The following PTPRE variants were observed in gnomAD, a reference collection of about 807,000 sequenced individuals.
PTPRE encodes the protein receptor-type tyrosine-protein phosphatase epsilon.
A neutral mutation model predicts 102.0 loss-of-function variants in PTPRE; 51 were observed. The observed-to-expected ratio is 0.50, with a 90% CI of 0.40 to 0.63. The LOEUF is 0.63. Among genes scored for constraint, PTPRE ranks in the 30% least tolerant of loss-of-function variants. PTPRE has a pLI of 0.00. For synonymous variants in PTPRE, 345 were observed against 348.2 expected, an observed-to-expected ratio of 0.99 and a Z score of 0.10; for missense variants, 752 against 915.1, an observed-to-expected ratio of 0.82 and a Z score of 2.30.
intron 2 of PTPRE, among the ~76,000 whole-genome samples, chr10:127,984,437 A>G (rs1046796643): frequency 2.0e-5 from 3 of 152,120 alleles, no homozygotes; most frequent in South Asian, 4.1e-4. Context: ...CTGAGTTCCT[A>G]GATTAAGGGT....
At chr10:127,965,495 G>A (rs1429145256) in intron 1 of PTPRE, among the ~76,000 whole-genome samples, 5 of 152,142 alleles carry the variant, frequency 3.3e-5, no homozygotes, top group East Asian at 3.8e-4. Context: ...GTCAGGGTTC[G>A]TCCCTAAGCA....
intron 1 of PTPRE, among the ~76,000 whole-genome samples, chr10:127,922,680 G>A (rs972153054): frequency 1.3e-5 from 2 of 152,190 alleles, no homozygotes; most frequent in African/African-American, 2.4e-5. Context: ...CACTGAACCC[G>A]TAAGAGATGT....
chr10:128,006,656 C>T (rs1854579460), intron 2 of PTPRE, among the ~76,000 whole-genome samples: 1 of 152,132 alleles, frequency 6.6e-6, no homozygotes, highest in African/African-American at 2.4e-5. Context: ...TCTTTGTTTG[C>T]CTGACTCTGC....
rs1047110660 is a variant in PTPRE, at chr10:127,969,311, C to T, written c.-30-12963C>T. On this transcript the variant is annotated intron_variant, in intron 1 of 20. Transcript: ENST00000254667. Reference sequence around the variant, plus strand: ...CTCCATACAGTGCTGTTGCTGGGCTCGGGACGTGGAGAGGGCAGGGGCCGT... The same window carrying T: ...CTCCATACAGTGCTGTTGCTGGGCTTGGGACGTGGAGAGGGCAGGGGCCGT... Among the ~76,000 whole-genome samples, 7 of 152,136 alleles carry T rather than the reference C, an allele frequency of 4.6e-5. No individual in the cohort carries two copies. The East Asian group carries it at 5.8e-4, about 13-fold the overall frequency.
chr10:128,060,435 C>A lies in PTPRE; in HGVS notation c.512-504C>A, dbSNP rs545486775. On this transcript the variant is annotated intron_variant, in intron 7 of 20. Coordinates refer to ENST00000254667, the MANE Select transcript of PTPRE (RefSeq NM_006504.6). ...CGGTGGTGGGACTGAGGGTCAGAGT[C>A]CCCAATCCTAGACCCCCACATCCAC... Among the ~76,000 whole-genome samples, 4 of 152,296 alleles carry A rather than the reference C, an allele frequency of 2.6e-5. No individual in the cohort carries two copies. The South Asian group carries it at 8.3e-4, about 32-fold the overall frequency.
chr10:127,960,827 T>G (rs181077892), intron 1 of PTPRE, among the ~76,000 whole-genome samples: 11 of 152,092 alleles, frequency 7.2e-5, no homozygotes, highest in Admixed American at 6.6e-4. Flanking sequence ...ATCAAGACCA[T>G]CCTAACATGG....
intron 2 of PTPRE, chr10:127,987,228 G>A: frequency 1.2e-6 from 1 of 822,492 alleles, no homozygotes; most frequent in South Asian, 2.9e-5. Context: ...TCCCCTAAGA[G>A]GAAATAGGAA....
chr10:127,960,942 A>G (rs150446842), intron 1 of PTPRE, among the ~76,000 whole-genome samples: 46 of 150,924 alleles, frequency 3.0e-4, no homozygotes, highest in African/African-American at 1.0e-3. Flanking sequence ...AATGGCGTGA[A>G]CCCGGGAGGC....
intron 7 of PTPRE, among the ~76,000 whole-genome samples, chr10:128,059,190 A>G (rs1320711376): frequency 1.3e-5 from 2 of 152,220 alleles, no homozygotes; most frequent in Non-Finnish European, 2.9e-5. Flanking sequence ...ATTATTTTCA[A>G]CTAGTGTTAT....
At chr10:127,934,660 C>T (rs1297859108) in intron 1 of PTPRE, 2 of 152,486 alleles carry the variant, frequency 1.3e-5, no homozygotes, top group Non-Finnish European at 2.9e-5. Context: ...AGGAGAAGCT[C>T]GCCGCCACCC....
chr10:127,944,617 A>T lies in PTPRE; in HGVS notation c.-31+37308A>T, dbSNP rs1285740847. 6.6e-6 allele frequency among the ~76,000 whole-genome samples: 1 copy of T among 152,130 alleles called. No homozygotes were observed. Among genetic ancestry groups the T allele is most frequent in the Non-Finnish European group, 1.5e-5 (1 of 68,016 alleles). ...GGTTAGAAAAGTAGGCAGAAACTGG[A>T]TCATGAAGGCCCTATAAGGATTTTG... On this transcript the variant is annotated intron_variant, in intron 1 of 20. Transcript: ENST00000254667. The surrounding 1 kb of genome is among the most constrained non-coding windows in gnomAD (Gnocchi z 4.2).
intron 1 of PTPRE, among the ~76,000 whole-genome samples, chr10:127,946,992 G>T (rs1320065944): frequency 6.8e-6 from 1 of 147,502 alleles, no homozygotes; most frequent in Non-Finnish European, 1.5e-5. Flanking sequence ...CTACACTCCA[G>T]CTTAGATGAC....
chr10:128,023,068 G>A lies in PTPRE; in HGVS notation c.-7-17807G>A, dbSNP rs1846035594. On this transcript the variant is annotated intron_variant, in intron 2 of 20. Transcript: ENST00000254667. Reference sequence around the variant, plus strand: ...CAGTTTCAGTTACCCACGGTCAACTGTGGCCCAAAATACATGAGTAGAGTG... The same window carrying A: ...CAGTTTCAGTTACCCACGGTCAACTATGGCCCAAAATACATGAGTAGAGTG... Among the ~76,000 whole-genome samples, 3 of 152,202 alleles carry A rather than the reference G, an allele frequency of 2.0e-5. No homozygotes were observed. The South Asian group carries it at 6.2e-4, about 32-fold the overall frequency.
chr10:128,082,877 A>G lies in PTPRE; in HGVS notation c.2074A>G (p.Ile692Val). Residue 692 changes from isoleucine to valine, a missense_variant, in exon 21 of 21, where the codon ATA becomes GTA. Transcript: ENST00000254667. Reference protein sequence around the residue: ...CYKVVQDFIDIFSDYANFK With the variant: ...CYKVVQDFIDVFSDYANFK ...CAAAGTGGTACAAGATTTTATTGAT[A>G]TATTTTCTGATTATGCTAATTTCAA... 1 of 1,554,424 alleles carries G rather than the reference A, an allele frequency of 6.4e-7. No homozygotes were observed. Among genetic ancestry groups the G allele is most frequent in the Non-Finnish European group, 8.6e-7 (1 of 1,159,486 alleles).
At chr10:127,912,735 A>T (rs1333528230) in intron 1 of PTPRE, among the ~76,000 whole-genome samples, 2 of 152,236 alleles carry the variant, frequency 1.3e-5, no homozygotes, top group African/African-American at 4.8e-5. Context: ...GGGCAGGTAC[A>T]TGACTCTGTC....
At chr10:128,042,696 G>A (rs959424600) in intron 3 of PTPRE, among the ~76,000 whole-genome samples, 1 of 152,096 alleles carries the variant, frequency 6.6e-6, no homozygotes, top group Admixed American at 6.5e-5. Flanking sequence ...ATGATAACAC[G>A]TTTCCACAGT....
intron 2 of PTPRE, among the ~76,000 whole-genome samples, chr10:128,002,535 G>A (rs1182140894): frequency 6.6e-6 from 1 of 152,088 alleles, no homozygotes; most frequent in Non-Finnish European, 1.5e-5. Flanking sequence ...CAGAAGGATG[G>A]ATACAGGAAG....
At chr10:127,911,140 CA>C in intron 1 of PTPRE, among the ~76,000 whole-genome samples, 1 of 152,110 alleles carries the variant, frequency 6.6e-6, no homozygotes, top group East Asian at 1.9e-4. Context: ...AAAAACCATA[CA>C]AATAGATAGA....
At chr10:127,998,650 C>T (rs567415013) in intron 2 of PTPRE, 2 of 152,250 alleles carry the variant, frequency 1.3e-5, no homozygotes, top group African/African-American at 4.8e-5. Context: ...ACCATCCTCC[C>T]GACATGACGT....
Sources: gnomAD v4.1 joint callset for allele counts (sites outside exome capture counted in the v4.1 genomes callset) on GRCh38, gnomAD v4.1.1 for gene constraint, Gnocchi (gnomAD v3.1) non-coding constraint, MANE v1.5 for transcripts, NCBI Gene and HGNC (gene_info 2026-07-23, HGNC 2026-07-21) for gene names.